The following KCNB2 variants were observed in gnomAD, a reference collection of about 807,000 sequenced individuals.
KCNB2 encodes delayed rectifier potassium channel protein.
A neutral mutation model predicts 61.5 loss-of-function variants in KCNB2; 15 were observed. That is an observed-to-expected ratio of 0.24 (90% confidence interval 0.16 to 0.38). The LOEUF (loss-of-function observed/expected upper bound fraction) is 0.38, where lower values mean the gene tolerates loss of function less well. Ranked by LOEUF, KCNB2 falls within the 10% of genes least tolerant of loss-of-function variation. The pLI is 1.00. For missense variants in KCNB2, 828 were observed against 1,125.2 expected, an observed-to-expected ratio of 0.74 and a Z score of 3.78; for synonymous variants, 457 against 446.0, an observed-to-expected ratio of 1.02 and a Z score of -0.31.
chr8:72,733,151 T>A (rs1385699957), intron 2 of KCNB2, among the ~76,000 whole-genome samples: 2 of 152,220 alleles, frequency 1.3e-5, no homozygotes, highest in African/African-American at 4.8e-5. Flanking sequence ...TCTGAGCAGA[T>A]GTTATACTAA....
intron 2 of KCNB2, among the ~76,000 whole-genome samples, chr8:72,913,292 T>C (rs1200368505): frequency 6.6e-6 from 1 of 152,174 alleles, no homozygotes; most frequent in Non-Finnish European, 1.5e-5. Flanking sequence ...CTATCATAAT[T>C]TATTTCAGGA....
At chr8:72,554,593 C>CT (rs1193600358) in intron 1 of KCNB2, among the ~76,000 whole-genome samples, 3 of 152,066 alleles carry the variant, frequency 2.0e-5, no homozygotes, top group South Asian at 2.1e-4. Context: ...GAAGCAGGAG[C>CT]TTTAGCTACT....
intron 2 of KCNB2, among the ~76,000 whole-genome samples, chr8:72,871,704 T>G (rs990742437): frequency 1.3e-5 from 2 of 152,234 alleles, no homozygotes; most frequent in Non-Finnish European, 2.9e-5. Flanking sequence ...AAACTCTCCC[T>G]TGTTCTCTGT....
At chr8:72,687,029 T>C (rs554292281) in intron 2 of KCNB2, among the ~76,000 whole-genome samples, 3 of 152,164 alleles carry the variant, frequency 2.0e-5, no homozygotes, top group Admixed American at 2.0e-4. Context: ...CCTAGGGAGC[T>C]CTGTGGGAAG....
chr8:72,908,679 C>T (rs1181517671), intron 2 of KCNB2, among the ~76,000 whole-genome samples: 2 of 152,222 alleles, frequency 1.3e-5, no homozygotes, highest in African/African-American at 2.4e-5. Flanking sequence ...AAGATGCCAA[C>T]GAGATGTGGT....
intron 2 of KCNB2, among the ~76,000 whole-genome samples, chr8:72,649,068 A>G (rs972674658): frequency 1.3e-5 from 2 of 152,044 alleles, no homozygotes; most frequent in South Asian, 4.1e-4. Flanking sequence ...AGACATTTTT[A>G]TTGTCTCCTT....
chr8:72,593,778 T>C (rs957846020), intron 2 of KCNB2, among the ~76,000 whole-genome samples: 2 of 152,220 alleles, frequency 1.3e-5, no homozygotes, highest in Non-Finnish European at 2.9e-5. Flanking sequence ...GTTAAGGCCA[T>C]TTTTTATGGC....
intron 2 of KCNB2, among the ~76,000 whole-genome samples, chr8:72,844,816 G>A (rs1449553933): frequency 6.6e-6 from 1 of 152,126 alleles, no homozygotes; most frequent in African/African-American, 2.4e-5. Context: ...CTCTAAACTG[G>A]TTATTCTAGT....
intron 1 of KCNB2, among the ~76,000 whole-genome samples, chr8:72,563,465 C>T (rs1294579140): frequency 6.6e-6 from 1 of 152,044 alleles, no homozygotes; most frequent in Non-Finnish European, 1.5e-5. Context: ...GCCTAGGAGG[C>T]CTCTGTATTA....
chr8:72,578,928 G>A (rs1251797509), intron 2 of KCNB2, among the ~76,000 whole-genome samples: 1 of 152,152 alleles, frequency 6.6e-6, no homozygotes, highest in East Asian at 1.9e-4. Flanking sequence ...CTGTTTATCT[G>A]ACCTGGCTGT....
chr8:72,696,631 T>C (rs1041642926), intron 2 of KCNB2, among the ~76,000 whole-genome samples: 1 of 152,122 alleles, frequency 6.6e-6, no homozygotes, highest in African/African-American at 2.4e-5. Context: ...GAGAGCAGCC[T>C]GAGGTCACCT....
At chr8:72,694,292 G>A (rs181463463) in intron 2 of KCNB2, among the ~76,000 whole-genome samples, 9 of 152,284 alleles carry the variant, frequency 5.9e-5, no homozygotes, top group Admixed American at 2.6e-4. Context: ...CATGTGAGAC[G>A]TGCCATATAT....
chr8:72,778,819 A>T (rs1422509564), intron 2 of KCNB2, among the ~76,000 whole-genome samples: 1 of 150,948 alleles, frequency 6.6e-6, no homozygotes, highest in African/African-American at 2.4e-5. Flanking sequence ...AATTCTTTCC[A>T]ATTAAATAAA....
intron 2 of KCNB2, among the ~76,000 whole-genome samples, chr8:72,778,782 GAAAAGAAAAGAAAAAGA>G (rs1311702224): frequency 1.5e-5 from 1 of 67,516 alleles, no homozygotes; most frequent in Non-Finnish European, 3.1e-5. Context: ...GAAAGAAAAA[GAAAAGAAAAGAAAAAGA>G]AAAAGAAAGA....
intron 2 of KCNB2, among the ~76,000 whole-genome samples, chr8:72,634,383 C>T (rs1192488171): frequency 2.6e-5 from 4 of 152,118 alleles, no homozygotes; most frequent in Non-Finnish European, 5.9e-5. Flanking sequence ...TTCTAATTAT[C>T]GAGTCTGAGA....
chr8:72,751,404 A>G (rs1326507497), intron 2 of KCNB2: 1 of 152,244 alleles, frequency 6.6e-6, no homozygotes, highest in Non-Finnish European at 1.5e-5. Context: ...GATTACAGAC[A>G]TACTGATAAT....
intron 2 of KCNB2, among the ~76,000 whole-genome samples, chr8:72,785,461 T>C (rs1808831554): frequency 6.6e-6 from 1 of 152,172 alleles, no homozygotes; most frequent in Non-Finnish European, 1.5e-5. Context: ...CACTCTGCTA[T>C]GGTTCTTTCA....
At chr8:72,664,038 T>C (rs1414713145) in intron 2 of KCNB2, among the ~76,000 whole-genome samples, 1 of 152,194 alleles carries the variant, frequency 6.6e-6, no homozygotes, top group African/African-American at 2.4e-5. Context: ...AGCTTTTCAA[T>C]ATGCTCCAGT....
chr8:72,647,223 C>G (rs530923055), intron 2 of KCNB2, among the ~76,000 whole-genome samples: 2 of 152,120 alleles, frequency 1.3e-5, no homozygotes, highest in African/African-American at 4.8e-5. Flanking sequence ...CTCATCCCAG[C>G]TCTGGCACTC....
Sources: gnomAD v4.1 joint callset for allele counts (sites outside exome capture counted in the v4.1 genomes callset) on GRCh38, gnomAD v4.1.1 for gene constraint, MANE v1.5 for transcripts, NCBI Gene and HGNC (gene_info 2026-07-23, HGNC 2026-07-21) for gene names.